The following CBLN2 variants were observed in gnomAD, a reference collection of about 807,000 sequenced individuals.
The protein encoded by CBLN2 is cerebellin 2 precursor.
CBLN2 carries 7 observed loss-of-function variants against 15.0 expected under a neutral mutation model. The observed-to-expected ratio is 0.47, with a 90% CI of 0.27 to 0.88. The LOEUF (loss-of-function observed/expected upper bound fraction) is 0.88, where lower values mean the gene tolerates loss of function less well. Ranked by LOEUF, CBLN2 falls within the 40% of genes least tolerant of loss-of-function variation. The pLI is 0.14. For missense variants in CBLN2, 242 were observed against 304.5 expected (o/e 0.79, Z 1.53); for synonymous variants, 149 against 135.2 (o/e 1.10, Z -0.71).
At chr18:72,558,669 C>T (rs1188804970) in intron 1 of CBLN2, among the ~76,000 whole-genome samples, 4 of 152,108 alleles carry the variant, frequency 2.6e-5, no homozygotes, top group South Asian at 2.1e-4. Context: ...AGGAAAGGGT[C>T]GACACAAAAT....
At chr18:72,561,817 G>T (rs1347132827) in intron 1 of CBLN2, among the ~76,000 whole-genome samples, 1 of 152,160 alleles carries the variant, frequency 6.6e-6, no homozygotes, top group African/African-American at 2.4e-5. Context: ...ATTAGCATGA[G>T]GGCTTAAAAT....
rs567089320 is a variant in CBLN2, at chr18:72,538,104, G to A, written c.*72C>T. On this transcript the variant is annotated 3_prime_UTR_variant, in exon 5 of 5. Transcript: ENST00000269503. Reference sequence around the variant, plus strand: ...GAAACAAGGTGTCCAATTCCAGTAAGTTCAGGGTGTTTTAAAGGGCGGAGT... The same window carrying A: ...GAAACAAGGTGTCCAATTCCAGTAAATTCAGGGTGTTTTAAAGGGCGGAGT... The A allele has an allele frequency of 5.9e-5, 87 of 1,485,584 alleles. 1 individual carries two copies. The South Asian group carries it at 9.0e-4, about 15-fold the overall frequency. 92.0% of individuals were successfully genotyped at this position (1,485,584 alleles called of 1,614,324 possible). A position where few individuals can be genotyped will look rare whatever the true frequency, so the allele number is the denominator to read the frequency against.
At chr18:72,585,255 C>G (rs997262078) in intron 1 of CBLN2, among the ~76,000 whole-genome samples, 1 of 152,136 alleles carries the variant, frequency 6.6e-6, no homozygotes, top group African/African-American at 2.4e-5. Flanking sequence ...TGTTTCAGAC[C>G]CATTTGTATT....
chr18:72,541,857 T>G lies in CBLN2; in HGVS notation c.304A>C (p.Asn102His). 3 of 1,602,298 alleles carry G rather than the reference T, an allele frequency of 1.9e-6. No individual in the cohort carries two copies. The highest frequency in any genetic ancestry group is 2.2e-5 in the South Asian group (2 of 89,762). ...KVAFSATRSTNHEPSEMSNRT... is the reference protein window; with the variant it reads ...KVAFSATRSTHHEPSEMSNRT... ...TTGCTCATCTCGGACGGCTCGTGGTTGGTGCTCCGCGTGGCGGAGAAGGCC... is the reference window on the plus strand; with the variant it reads ...TTGCTCATCTCGGACGGCTCGTGGTGGGTGCTCCGCGTGGCGGAGAAGGCC... Residue 102 changes from asparagine to histidine, a missense_variant, in exon 3 of 5, where the codon AAC (asparagine) becomes CAC (histidine). By Grantham distance (68) the Asn-to-His change is moderately conservative (BLOSUM62 1). Coordinates refer to ENST00000269503, the MANE Select transcript of CBLN2 (RefSeq NM_182511.4).
intron 1 of CBLN2, among the ~76,000 whole-genome samples, chr18:72,558,081 A>T (rs1449295388): frequency 2.0e-5 from 3 of 152,210 alleles, no homozygotes; most frequent in African/African-American, 7.2e-5. Flanking sequence ...GTGAACACCC[A>T]GGTCTTCCCT....
chr18:72,543,645 C>T lies in CBLN2; in HGVS notation c.-211-115G>A. The stretch of plus-strand genomic sequence containing the variant: ...GCCCCGCCCTGCCGCTTTCCCGCGC[C>T]AGCCTGCGCCGCTTCAGGGGTGCAC... On this transcript the variant is annotated intron_variant, in intron 1 of 4. Coordinates refer to ENST00000269503, the MANE Select transcript of CBLN2 (RefSeq NM_182511.4). The surrounding 1 kb of genome is among the most constrained non-coding windows in gnomAD (Gnocchi z 6.8). The T allele has an allele frequency of 2.6e-6, 1 of 380,440 alleles. No homozygotes were observed. The highest frequency in any genetic ancestry group is 2.1e-5 in the African/African-American group (1 of 48,060). 23.6% of individuals were successfully genotyped at this position (380,440 alleles called of 1,614,324 possible). A position where few individuals can be genotyped will look rare whatever the true frequency, so the allele number is the denominator to read the frequency against.
chr18:72,573,555 C>G (rs575870519), intron 1 of CBLN2, among the ~76,000 whole-genome samples: 1 of 152,206 alleles, frequency 6.6e-6, no homozygotes, highest in African/African-American at 2.4e-5. Flanking sequence ...AGTATGTAAC[C>G]TTTTCAGATT....
At chr18:72,574,505 C>G (rs1210059565) in intron 1 of CBLN2, among the ~76,000 whole-genome samples, 1 of 152,028 alleles carries the variant, frequency 6.6e-6, no homozygotes, top group Non-Finnish European at 1.5e-5. Context: ...ATATCAAAAG[C>G]AGGGGGTTGC....
At chr18:72,617,914 G>A (rs1279122435) in intron 1 of CBLN2, among the ~76,000 whole-genome samples, 1 of 151,992 alleles carries the variant, frequency 6.6e-6, no homozygotes, top group Non-Finnish European at 1.5e-5. Flanking sequence ...AAAATAAAAT[G>A]ACTGCTTATT....
Position 72,538,388 on chromosome 18 carries a change from G to A in CBLN2, c.478-15C>T. On this transcript the variant is annotated splice_polypyrimidine_tract_variant and intron_variant, in intron 4 of 4. Transcript: ENST00000269503. ...ATTAAACTGACCTAAAATGCAGAGAGTAGAGCTCAGCAGACCATAAAGCAC... is the reference window on the plus strand; with the variant it reads ...ATTAAACTGACCTAAAATGCAGAGAATAGAGCTCAGCAGACCATAAAGCAC... 1.2e-6 allele frequency: 2 copies of A among 1,613,438 alleles called. No individual in the cohort carries two copies. The highest frequency in any genetic ancestry group is 2.2e-5 in the East Asian group (1 of 44,866).
Position 72,542,144 on chromosome 18 carries a change from C to G in CBLN2, c.17G>C (p.Arg6Pro). MQAPG[R>P]GPLGLRLMMP... The stretch of plus-strand genomic sequence containing the variant: ...CATCAGCCGCAGCCCGAGTGGCCCC[C>G]GGCCGGGCGCCTGCATCGGGACTGG... Residue 6 changes from arginine to proline, a missense_variant, in exon 3 of 5, where the codon CGG becomes CCG. Transcript: ENST00000269503. The G allele has an allele frequency of 2.3e-6, 3 of 1,315,692 alleles. No homozygotes were observed. Among genetic ancestry groups the G allele is most frequent in the South Asian group, 2.2e-5 (1 of 46,022 alleles). 81.5% of individuals were successfully genotyped at this position (1,315,692 alleles called of 1,614,324 possible).
At chr18:72,593,674 T>A (rs1384518266) in intron 1 of CBLN2, among the ~76,000 whole-genome samples, 1 of 152,208 alleles carries the variant, frequency 6.6e-6, no homozygotes, top group East Asian at 1.9e-4. Context: ...CATGTTGAGA[T>A]ATGTTCCTTC....
chr18:72,576,221 C>G (rs1422507698), intron 1 of CBLN2, among the ~76,000 whole-genome samples: 1 of 152,144 alleles, frequency 6.6e-6, no homozygotes, highest in African/African-American at 2.4e-5. Flanking sequence ...ACTTTGCTTC[C>G]TATTCTGTTT....
At chr18:72,559,012 A>G (rs1598997989) in intron 1 of CBLN2, among the ~76,000 whole-genome samples, 1 of 152,192 alleles carries the variant, frequency 6.6e-6, no homozygotes, top group Non-Finnish European at 1.5e-5. Context: ...CTGTGATAGT[A>G]CCATTACACT....
intron 1 of CBLN2, among the ~76,000 whole-genome samples, chr18:72,574,526 C>A (rs183000138): frequency 6.6e-6 from 1 of 152,038 alleles, no homozygotes; most frequent in Admixed American, 6.6e-5. Flanking sequence ...TGAAGGATAT[C>A]CTTGTGTATG....
chr18:72,552,542 G>C (rs2069198221), intron 1 of CBLN2: 1 of 151,846 alleles, frequency 6.6e-6, no homozygotes, highest in African/African-American at 2.4e-5. Flanking sequence ...TAACAATCTT[G>C]GTAACAGAAA....
At chr18:72,549,622 T>G (rs1025069386) in intron 1 of CBLN2, among the ~76,000 whole-genome samples, 1 of 150,280 alleles carries the variant, frequency 6.7e-6, no homozygotes, top group Admixed American at 6.6e-5. Flanking sequence ...TGCTATATTC[T>G]ATACAATTAT....
At chr18:72,572,823 A>G (rs1040129719) in intron 1 of CBLN2, among the ~76,000 whole-genome samples, 1 of 152,080 alleles carries the variant, frequency 6.6e-6, no homozygotes, top group Non-Finnish European at 1.5e-5. Context: ...TGTTCATTAT[A>G]AGACACAAAA....
chr18:72,598,877 C>A (rs992653822), intron 1 of CBLN2, among the ~76,000 whole-genome samples: 6 of 152,214 alleles, frequency 3.9e-5, no homozygotes, highest in African/African-American at 1.2e-4. Context: ...TGCACTCTCT[C>A]TCCTCTAAGT....
Sources: gnomAD v4.1 joint callset for allele counts (sites outside exome capture counted in the v4.1 genomes callset) on GRCh38, gnomAD v4.1.1 for gene constraint, Gnocchi (gnomAD v3.1) non-coding constraint, MANE v1.5 for transcripts, NCBI Gene and HGNC (gene_info 2026-07-23, HGNC 2026-07-21) for gene names.